DOCK9: variants seen among roughly 807,000 people sequenced by gnomAD.
DOCK9 encodes the protein dedicator of cytokinesis protein 9.
DOCK9 carries 89 observed loss-of-function variants against 263.3 expected under a neutral mutation model. The ratio of observed to expected loss-of-function variants is 0.34; its 90% CI spans 0.28 to 0.40. DOCK9 has a LOEUF of 0.40. DOCK9 is among the 10% of genes least tolerant of loss of function. The pLI, the probability that DOCK9 is intolerant of heterozygous loss-of-function variation, is 1.00. For synonymous variants in DOCK9, 976 were observed against 973.1 expected, an observed-to-expected ratio of 1.00 and a Z score of -0.06; for missense variants, 2,140 against 2,603.4, an observed-to-expected ratio of 0.82 and a Z score of 3.87.
intron 1 of DOCK9, among the ~76,000 whole-genome samples, chr13:98,962,190 T>C (rs1311513019): frequency 6.6e-6 from 1 of 152,188 alleles, no homozygotes; most frequent in Non-Finnish European, 1.5e-5. Flanking sequence ...TAAAAGAATA[T>C]GAAGCCCTAA....
chr13:98,827,959 G>A (rs1219908771), intron 43 of DOCK9, among the ~76,000 whole-genome samples: 1 of 152,192 alleles, frequency 6.6e-6, no homozygotes, highest in Non-Finnish European at 1.5e-5. Flanking sequence ...TTGGAAACAG[G>A]CTCTGTTAGG....
At chr13:98,816,897 G>C (rs1396486854) in intron 45 of DOCK9, among the ~76,000 whole-genome samples, 2 of 152,086 alleles carry the variant, frequency 1.3e-5, no homozygotes, top group East Asian at 3.9e-4. Flanking sequence ...ATGAGGCTGT[G>C]GAGGTGGGAA....
intron 13 of DOCK9, among the ~76,000 whole-genome samples, chr13:98,898,904 C>A (rs1458814901): frequency 2.0e-5 from 3 of 152,158 alleles, no homozygotes; most frequent in Non-Finnish European, 4.4e-5. Flanking sequence ...TAGCCTAAGG[C>A]AGACCTATTA....
At chr13:98,820,450 G>A (rs1566596895) in intron 45 of DOCK9, among the ~76,000 whole-genome samples, 1 of 152,166 alleles carries the variant, frequency 6.6e-6, no homozygotes, top group Non-Finnish European at 1.5e-5. Context: ...AGGGTTCTTG[G>A]ACCTAGTGTA....
At position 98,824,485 on chromosome 13, in the gene DOCK9, G is replaced by A. The variant is rs774272970; in HGVS notation, c.5043C>T (p.Cys1681=). Residue 1681 remains cysteine (C), a synonymous_variant, in exon 45 of 53, where the codon TGC becomes TGT. Transcript: ENST00000682017. ...TTGGGGTAATGACCCTGAAGGCGGT[G>A]CATCCTTGTCTAAACACGCCTAGGA... ...LTRKGVFRQG[C]TAFRVITPNI... The A allele has an allele frequency of 6.2e-7, 1 of 1,613,752 alleles. No homozygotes were observed.
chr13:99,046,188 G>A (rs946622191), intron 1 of DOCK9, among the ~76,000 whole-genome samples: 4 of 152,058 alleles, frequency 2.6e-5, no homozygotes, highest in Non-Finnish European at 5.9e-5. Flanking sequence ...AGGCAGAAAT[G>A]TATGTCCCAA....
At chr13:98,854,419 T>C (rs1427795051) in intron 34 of DOCK9, 2 of 152,106 alleles carry the variant, frequency 1.3e-5, no homozygotes, top group Non-Finnish European at 2.9e-5. Context: ...TGTGTGTGTG[T>C]GTATATATAT....
chr13:99,050,603 G>C (rs2040645079), intron 1 of DOCK9, among the ~76,000 whole-genome samples: 1 of 152,194 alleles, frequency 6.6e-6, no homozygotes, highest in Non-Finnish European at 1.5e-5. Context: ...TGAGGCAGGA[G>C]AATAGCTTGA....
intron 52 of DOCK9, among the ~76,000 whole-genome samples, chr13:98,795,681 T>C (rs74524148): frequency 0.029 from 4,375 of 152,284 alleles, 221 homozygotes; most frequent in African/African-American, 0.099. Flanking sequence ...AAGTTTTCTC[T>C]GAAAATCGGT....
intron 1 of DOCK9, among the ~76,000 whole-genome samples, chr13:99,051,477 C>G (rs941475524): frequency 2.0e-5 from 3 of 152,124 alleles, no homozygotes; most frequent in African/African-American, 4.8e-5. Flanking sequence ...GCAATGGAAA[C>G]ATGAGGTCTG....
chr13:99,022,016 T>G (rs1208975332), intron 1 of DOCK9, among the ~76,000 whole-genome samples: 1 of 152,198 alleles, frequency 6.6e-6, no homozygotes, highest in Non-Finnish European at 1.5e-5. Context: ...AAAGTATTAT[T>G]AAATAAGTAC....
chr13:98,961,219 G>A (rs570210509), intron 1 of DOCK9, among the ~76,000 whole-genome samples: 1 of 152,326 alleles, frequency 6.6e-6, no homozygotes, highest in African/African-American at 2.4e-5. Context: ...AATTCTTCAA[G>A]TGGGCAAAAG....
chr13:98,964,168 C>T (rs1041364039), intron 1 of DOCK9, among the ~76,000 whole-genome samples: 6 of 152,202 alleles, frequency 3.9e-5, no homozygotes, highest in African/African-American at 1.4e-4. Context: ...TGTGAACAAT[C>T]AGCAGAATGA....
chr13:98,891,534 C>A (rs2046616436), intron 15 of DOCK9, among the ~76,000 whole-genome samples: 1 of 152,154 alleles, frequency 6.6e-6, no homozygotes, highest in Non-Finnish European at 1.5e-5. Context: ...TTTTTAAGAT[C>A]ACTCCAACAT....
rs140487093 is a variant in DOCK9, at chr13:98,794,414, T to C, written c.*212A>G. ...CCTTTGTTAAGACACAATGAAAACT[T>C]TGAATATTGCCAGTGAGATTTAAAA... On this transcript the variant is annotated 3_prime_UTR_variant, in exon 53 of 53. Transcript: ENST00000682017. 8 of 574,428 alleles carry C rather than the reference T, an allele frequency of 1.4e-5. No homozygotes were observed. In the Admixed American group the frequency reaches 1.7e-4, roughly 12 times the overall value. 35.6% of individuals were successfully genotyped at this position (574,428 alleles called of 1,614,324 possible).
At chr13:99,022,724 C>T (rs1886261112) in intron 1 of DOCK9, among the ~76,000 whole-genome samples, 2 of 152,172 alleles carry the variant, frequency 1.3e-5, no homozygotes, top group African/African-American at 2.4e-5. Flanking sequence ...AGGAGGATCG[C>T]TTGAGCCCAG....
chr13:98,797,606 G>T, intron 50 of DOCK9, 117 bp from the exon 51 acceptor site: 1 of 823,044 alleles, frequency 1.2e-6, no homozygotes, highest in Non-Finnish European at 1.9e-6. Context: ...CACAATCCCT[G>T]CCTTCCAGGA....
intron 30 of DOCK9, among the ~76,000 whole-genome samples, chr13:98,866,465 C>G (rs2094027462): frequency 6.6e-6 from 1 of 152,172 alleles, no homozygotes; most frequent in South Asian, 2.1e-4. Flanking sequence ...GCAGTTGATT[C>G]AGGTGCCATT....
chr13:98,991,877 C>G (rs1484735528), intron 1 of DOCK9, among the ~76,000 whole-genome samples: 2 of 152,026 alleles, frequency 1.3e-5, no homozygotes, highest in Non-Finnish European at 2.9e-5. Flanking sequence ...AGACCAGGCA[C>G]AGTCAAGGAA....
Sources: gnomAD v4.1 joint callset for allele counts (sites outside exome capture counted in the v4.1 genomes callset) on GRCh38, gnomAD v4.1.1 for gene constraint, MANE v1.5 for transcripts, NCBI Gene and HGNC (gene_info 2026-07-23, HGNC 2026-07-21) for gene names.